The following KCNJ6 variants were observed in gnomAD, a reference collection of about 807,000 sequenced individuals.
KCNJ6 encodes potassium inwardly rectifying channel subfamily J member 6, also known as G protein-activated inward rectifier potassium channel 2.
Under a neutral mutation model 34.2 loss-of-function variants are expected in KCNJ6, and 9 were observed. The ratio of observed to expected loss-of-function variants is 0.26; its 90% CI spans 0.16 to 0.46. The LOEUF (loss-of-function observed/expected upper bound fraction) is 0.46, where lower values mean the gene tolerates loss of function less well. KCNJ6 is among the 20% of genes least tolerant of loss of function. The pLI is 1.00. For synonymous variants in KCNJ6, 196 were observed against 207.1 expected (o/e 0.95, Z 0.46); for missense variants, 236 against 531.3 (o/e 0.44, Z 5.46).
chr21:37,813,884 A>C (rs1239823934), intron 2 of KCNJ6, among the ~76,000 whole-genome samples: 1 of 152,242 alleles, frequency 6.6e-6, no homozygotes, highest in African/African-American at 2.4e-5. Context: ...ATGGGCAACC[A>C]AAACAAAAAT....
rs1395969938 is a variant in KCNJ6, at chr21:37,615,007, GC to G, written c.*10151del. ...ATAACAGGCCACATGTTTTGTTGAT[GC>G]CTGTTGTCACAGAATTAGAAAATAC... On this transcript the variant is annotated 3_prime_UTR_variant, in exon 4 of 4. Transcript: ENST00000609713. The G allele has an allele frequency of 3.3e-5, 5 of 152,316 alleles. No homozygotes were observed. The highest frequency in any genetic ancestry group is 1.2e-4 in the African/African-American group (5 of 41,564). The allele number at this position is 152,316 out of a possible 1,614,324, so 9.4% of individuals were successfully genotyped here.
intron 1 of KCNJ6, among the ~76,000 whole-genome samples, chr21:37,870,523 A>T (rs6517438): frequency 1.3e-5 from 2 of 151,784 alleles, no homozygotes; most frequent in Admixed American, 6.6e-5. Flanking sequence ...CCTTGCTTTC[A>T]GCACTGTTAG....
intron 2 of KCNJ6, among the ~76,000 whole-genome samples, chr21:37,834,386 T>G (rs2055441548): frequency 6.6e-6 from 1 of 152,188 alleles, no homozygotes; most frequent in Admixed American, 6.5e-5. Context: ...TTGGGTGCCT[T>G]TTTGATGCAG....
Position 37,624,880 on chromosome 21 carries a change from T to G in KCNJ6, c.*279A>C. The G allele has an allele frequency of 2.1e-6, 1 of 468,408 alleles. No homozygotes were observed. Among genetic ancestry groups the G allele is most frequent in the Non-Finnish European group, 3.8e-6 (1 of 262,882 alleles). 29.0% of individuals were successfully genotyped at this position (468,408 alleles called of 1,614,324 possible). ...CACATGCAGGTAAGTAACTGAAATC[T>G]CCAGGAGTTGGATGTGTAGTATTTT... On this transcript the variant is annotated 3_prime_UTR_variant, in exon 4 of 4. Coordinates refer to ENST00000609713, the MANE Select transcript of KCNJ6 (RefSeq NM_002240.5).
intron 2 of KCNJ6, among the ~76,000 whole-genome samples, chr21:37,728,859 C>T (rs1414475351): frequency 6.6e-6 from 1 of 152,170 alleles, no homozygotes; most frequent in African/African-American, 2.4e-5. Context: ...TGGTCCCTTG[C>T]CCTGATGTTT....
Position 37,675,327 on chromosome 21 carries a change from G to A in KCNJ6, c.946+38884C>T, listed in dbSNP as rs1401140516. ...CAGAGAGGAAGGAATCAAGTTGGCG[G>A]GGATTTTTCCGCGAGTGGCTGCATT... On this transcript the variant is annotated intron_variant, in intron 3 of 3. Coordinates refer to ENST00000609713, the MANE Select transcript of KCNJ6 (RefSeq NM_002240.5). The surrounding 1 kb of genome is among the most constrained non-coding windows in gnomAD (Gnocchi z 4.2). 6.6e-6 allele frequency among the ~76,000 whole-genome samples: 1 copy of A among 152,222 alleles called. No individual in the cohort carries two copies. The highest frequency in any genetic ancestry group is 1.9e-4 in the East Asian group (1 of 5,192).
chr21:37,695,099 A>G lies in KCNJ6; in HGVS notation c.946+19112T>C, dbSNP rs1187372176. Among the ~76,000 whole-genome samples, 2 of 152,194 alleles carry G rather than the reference A, an allele frequency of 1.3e-5. No individual in the cohort carries two copies. The highest frequency in any genetic ancestry group is 4.8e-5 in the African/African-American group (2 of 41,456). ...CACAGCCAATTTCAGGGGTGGTGCT[A>G]TGGAGAGAGTAGCCCCTAGGGTAGG... On this transcript the variant is annotated intron_variant, in intron 3 of 3. Coordinates refer to ENST00000609713, the MANE Select transcript of KCNJ6 (RefSeq NM_002240.5). This position sits in a 1 kb window ranked among gnomAD's most constrained non-coding sequence, Gnocchi z 4.2.
chr21:37,911,414 T>C (rs1455603932), intron 1 of KCNJ6, among the ~76,000 whole-genome samples: 1 of 152,144 alleles, frequency 6.6e-6, no homozygotes, highest in Non-Finnish European at 1.5e-5. Flanking sequence ...AACTCCAGAG[T>C]GAATCAATTA....
intron 2 of KCNJ6, among the ~76,000 whole-genome samples, chr21:37,776,486 GT>G (rs149803388): frequency 0.49 from 73,791 of 151,692 alleles, 18,128 homozygotes; most frequent in Non-Finnish European, 0.52. Context: ...CTGTGGGTTT[GT>G]TCATAGATAG....
intron 3 of KCNJ6, among the ~76,000 whole-genome samples, chr21:37,653,207 C>G (rs958710494): frequency 6.6e-6 from 1 of 152,140 alleles, no homozygotes; most frequent in African/African-American, 2.4e-5. Context: ...AATTAAGGAA[C>G]TGTCAAGAAT....
intron 2 of KCNJ6, among the ~76,000 whole-genome samples, chr21:37,770,027 C>A (rs1384729263): frequency 6.6e-6 from 1 of 152,144 alleles, no homozygotes; most frequent in African/African-American, 2.4e-5. Flanking sequence ...TTATAAATTG[C>A]CCAGTTTCAG....
intron 1 of KCNJ6, among the ~76,000 whole-genome samples, chr21:37,903,827 G>A (rs557037186): frequency 6.6e-6 from 1 of 152,238 alleles, no homozygotes. Flanking sequence ...ACATTGCAAG[G>A]GCTCAAGTAG....
intron 2 of KCNJ6, among the ~76,000 whole-genome samples, chr21:37,781,459 A>G (rs2055169177): frequency 6.6e-6 from 1 of 152,166 alleles, no homozygotes; most frequent in Non-Finnish European, 1.5e-5. Flanking sequence ...TAGAAACAGG[A>G]TTTATCACTA....
At chr21:37,847,032 T>C (rs1476228458) in intron 1 of KCNJ6, among the ~76,000 whole-genome samples, 1 of 152,082 alleles carries the variant, frequency 6.6e-6, no homozygotes, top group Non-Finnish European at 1.5e-5. Flanking sequence ...TGCCGAAAAA[T>C]ATAGGCCACA....
At chr21:37,757,965 C>T (rs1403136520) in intron 2 of KCNJ6, among the ~76,000 whole-genome samples, 1 of 152,216 alleles carries the variant, frequency 6.6e-6, no homozygotes, top group Non-Finnish European at 1.5e-5. Context: ...GCAGGTGTCC[C>T]TGCATTCACC....
In KCNJ6 at chr21:37,715,067, T is replaced by TGGC; in HGVS notation, c.87_89dup (p.Pro30dup). On this transcript the variant is annotated inframe_insertion, in exon 3 of 4. Coordinates refer to ENST00000609713, the MANE Select transcript of KCNJ6 (RefSeq NM_002240.5). ...CATCCCTGGCCTGCTTAGGCAACTT[T>TGGC]GGCTGGTGAATGGCCACTGGGCTTT... 6.2e-7 allele frequency: 1 copy of TGGC among 1,614,222 alleles called. No homozygotes were observed. The highest frequency in any genetic ancestry group is 8.5e-7 in the Non-Finnish European group (1 of 1,180,038).
intron 2 of KCNJ6, among the ~76,000 whole-genome samples, chr21:37,732,536 G>C (rs1038203685): frequency 2.6e-5 from 4 of 152,204 alleles, no homozygotes; most frequent in Non-Finnish European, 4.4e-5. Flanking sequence ...AGCTATTTCG[G>C]AAGAACTAGT....
chr21:37,791,284 T>C (rs550584115), intron 2 of KCNJ6, among the ~76,000 whole-genome samples: 14 of 152,188 alleles, frequency 9.2e-5, no homozygotes, highest in Non-Finnish European at 1.8e-4. Flanking sequence ...AGAAGAAAAA[T>C]GATAGTGTTA....
At chr21:37,628,888 T>G (rs1235194217) in intron 3 of KCNJ6, among the ~76,000 whole-genome samples, 2 of 152,172 alleles carry the variant, frequency 1.3e-5, no homozygotes, top group African/African-American at 2.4e-5. Flanking sequence ...GAGAAGACAT[T>G]ATTAAAAGCA....
Sources: gnomAD v4.1 joint callset for allele counts (sites outside exome capture counted in the v4.1 genomes callset) on GRCh38, gnomAD v4.1.1 for gene constraint, Gnocchi (gnomAD v3.1) non-coding constraint, MANE v1.5 for transcripts, NCBI Gene and HGNC (gene_info 2026-07-23, HGNC 2026-07-21) for gene names.